PPARGC1A: variants seen among roughly 807,000 people sequenced by gnomAD.
PPARGC1A encodes PPARG coactivator 1 alpha.
A neutral mutation model predicts 88.7 loss-of-function variants in PPARGC1A; 25 were observed. The observed-to-expected ratio is 0.28, with a 90% CI of 0.21 to 0.39. The LOEUF is 0.39. PPARGC1A is among the 10% of genes least tolerant of loss of function. The probability of loss-of-function intolerance (pLI) is 1.00; values close to 1 mark genes in which losing one functional copy is unlikely to be tolerated. For missense variants in PPARGC1A, 880 were observed against 968.7 expected (o/e 0.91, Z 1.22); for synonymous variants, 363 against 355.6 (o/e 1.02, Z -0.24).
chr4:23,987,321 T>C, the PPARGC1A span, among the ~76,000 whole-genome samples: 1 of 152,080 alleles, frequency 6.6e-6, no homozygotes, highest in Non-Finnish European at 1.5e-5. Flanking sequence ...GGATTTCTTT[T>C]ACTACAGATC....
At chr4:23,939,896 A>G in the PPARGC1A span, among the ~76,000 whole-genome samples, 4 of 152,208 alleles carry the variant, frequency 2.6e-5, no homozygotes, top group African/African-American at 7.2e-5. Context: ...AAAGTAGCAT[A>G]TTATCCCTCA....
At chr4:24,278,930 C>T in the PPARGC1A span, among the ~76,000 whole-genome samples, 1 of 152,138 alleles carries the variant, frequency 6.6e-6, no homozygotes, top group Non-Finnish European at 1.5e-5. Context: ...GAAAGTCAGC[C>T]CCTGAGCCGA....
chr4:24,400,252 T>C, the PPARGC1A span, among the ~76,000 whole-genome samples: 2 of 152,050 alleles, frequency 1.3e-5, no homozygotes, highest in African/African-American at 4.8e-5. Context: ...AACATTGGAG[T>C]CAGAGGGCTG....
At chr4:23,953,060 G>T in the PPARGC1A span, among the ~76,000 whole-genome samples, 15 of 151,902 alleles carry the variant, frequency 9.9e-5, no homozygotes, top group Admixed American at 9.2e-4. Flanking sequence ...AACTTACTTA[G>T]GTCTAACTTT....
chr4:24,234,468 C>G, the PPARGC1A span, among the ~76,000 whole-genome samples: 5 of 151,158 alleles, frequency 3.3e-5, no homozygotes, highest in Non-Finnish European at 7.4e-5. Context: ...CAATGATACA[C>G]TGGCATTACA....
At chr4:24,204,194 G>T in the PPARGC1A span, among the ~76,000 whole-genome samples, 1 of 152,144 alleles carries the variant, frequency 6.6e-6, no homozygotes, top group Non-Finnish European at 1.5e-5. Flanking sequence ...GGCCAGTAAA[G>T]AGTTAAGGGG....
chr4:23,954,368 C>A, the PPARGC1A span, among the ~76,000 whole-genome samples: 1 of 151,974 alleles, frequency 6.6e-6, no homozygotes, highest in African/African-American at 2.4e-5. Flanking sequence ...AAGCAACGGT[C>A]ATTTTAGAGG....
At chr4:23,969,324 G>A in the PPARGC1A span, among the ~76,000 whole-genome samples, 37 of 152,164 alleles carry the variant, frequency 2.4e-4, no homozygotes, top group Non-Finnish European at 5.0e-4. Flanking sequence ...ATTATCCCAT[G>A]AGGCCGGGAT....
At chr4:23,863,473 A>G (rs1731606101) in intron 2 of PPARGC1A, among the ~76,000 whole-genome samples, 1 of 152,042 alleles carries the variant, frequency 6.6e-6, no homozygotes, top group African/African-American at 2.4e-5. Flanking sequence ...AATTTAGTAC[A>G]ATTCCAAGAT....
chr4:24,252,677 C>T, the PPARGC1A span, among the ~76,000 whole-genome samples: 5 of 152,334 alleles, frequency 3.3e-5, no homozygotes, highest in South Asian at 6.2e-4. Context: ...GTTCCCCTAA[C>T]TCCCATCTCC....
At chr4:24,336,054 G>A in the PPARGC1A span, among the ~76,000 whole-genome samples, 14 of 151,908 alleles carry the variant, frequency 9.2e-5, no homozygotes, top group South Asian at 1.9e-3. Flanking sequence ...TTTTTCCCCC[G>A]TTTTTATGCC....
rs1047788241 is a variant in PPARGC1A, at chr4:23,794,205, T to A, written c.*1617A>T. ...TTAAAAAGATTTTTGACTTCTAGTT[T>A]CAAAACTACTGTTGATAGAGAAAAT... On this transcript the variant is annotated 3_prime_UTR_variant, in exon 13 of 13. Transcript: ENST00000264867. The A allele has an allele frequency of 1.3e-5, 2 of 152,586 alleles. No homozygotes were observed. Among genetic ancestry groups the A allele is most frequent in the Non-Finnish European group, 2.9e-5 (2 of 68,026 alleles). The allele number at this position is 152,586 out of a possible 1,614,324, so 9.5% of individuals were successfully genotyped here.
Position 23,804,452 on chromosome 4 carries a change from C to T in PPARGC1A, c.2020-2107G>A, listed in dbSNP as rs368752100. ...CTGGACTAGTATAACAAACAATCTC[C>T]TAACTTGGATCTGTGTCCATGTTTA... On this transcript the variant is annotated intron_variant, in intron 10 of 12. Coordinates refer to ENST00000264867, the MANE Select transcript of PPARGC1A (RefSeq NM_013261.5). Among the ~76,000 whole-genome samples, 6 of 152,324 alleles carry T rather than the reference C, an allele frequency of 3.9e-5. No homozygotes were observed. The South Asian group carries it at 1.2e-3, about 32-fold the overall frequency.
chr4:24,440,178 T>C, the PPARGC1A span, among the ~76,000 whole-genome samples: 1 of 152,252 alleles, frequency 6.6e-6, no homozygotes, highest in African/African-American at 2.4e-5. Context: ...GTGGTGGTGA[T>C]GGTGAACTTT....
the PPARGC1A span, among the ~76,000 whole-genome samples, chr4:24,319,050 A>C: frequency 2.0e-5 from 3 of 152,210 alleles, no homozygotes; most frequent in African/African-American, 7.2e-5. Context: ...GAAGAGATAA[A>C]AAATAAAGAA....
At chr4:24,458,510 G>C in the PPARGC1A span, among the ~76,000 whole-genome samples, 5 of 152,050 alleles carry the variant, frequency 3.3e-5, no homozygotes, top group African/African-American at 1.2e-4. Context: ...CAAAAGAAAA[G>C]GAAAAGATAA....
At chr4:23,915,236 A>G in the PPARGC1A span, among the ~76,000 whole-genome samples, 3 of 152,200 alleles carry the variant, frequency 2.0e-5, no homozygotes, top group African/African-American at 4.8e-5. Flanking sequence ...TAGGAATATC[A>G]TATCAATAGA....
the PPARGC1A span, among the ~76,000 whole-genome samples, chr4:24,248,226 G>T: frequency 6.6e-6 from 1 of 152,006 alleles, no homozygotes; most frequent in African/African-American, 2.4e-5. Context: ...CCGGGTTCAC[G>T]CCATTCTCCT....
chr4:24,214,642 G>A, the PPARGC1A span, among the ~76,000 whole-genome samples: 11 of 152,140 alleles, frequency 7.2e-5, no homozygotes, highest in Admixed American at 2.0e-4. Flanking sequence ...AGAGTGTGCC[G>A]CCTTCAGTCT....
Sources: gnomAD v4.1 joint callset for allele counts (sites outside exome capture counted in the v4.1 genomes callset) on GRCh38, gnomAD v4.1.1 for gene constraint, MANE v1.5 for transcripts, NCBI Gene and HGNC (gene_info 2026-07-23, HGNC 2026-07-21) for gene names.